The following LRRIQ1 variants were observed in gnomAD, a reference collection of about 807,000 sequenced individuals.
LRRIQ1 encodes leucine-rich repeat- and IQ domain-containing protein 1.
A neutral mutation model predicts 211.9 loss-of-function variants in LRRIQ1; 210 were observed. That is an observed-to-expected ratio of 0.99 (90% CI 0.89 to 1.11). The LOEUF is 1.11. LRRIQ1 is among the 50% of genes most tolerant of loss of function. The pLI, the probability that LRRIQ1 is intolerant of heterozygous loss-of-function variation, is 0.00. For missense variants in LRRIQ1, 2,136 were observed against 1,939.5 expected (o/e 1.10, Z -1.90); for synonymous variants, 699 against 650.1 (o/e 1.08, Z -1.14).
At chr12:85,069,821 T>C (rs1441722513) in intron 10 of LRRIQ1, among the ~76,000 whole-genome samples, 1 of 152,126 alleles carries the variant, frequency 6.6e-6, no homozygotes, top group Non-Finnish European at 1.5e-5. Context: ...TGGAGTTCAT[T>C]GTAGATTCTG....
chr12:85,267,558 G>A (rs1467862614), downstream of LRRIQ1, among the ~76,000 whole-genome samples: 1 of 151,952 alleles, frequency 6.6e-6, no homozygotes, highest in Non-Finnish European at 1.5e-5. Flanking sequence ...CAAAGTTATT[G>A]GATTCAAGAG....
chr12:85,193,536 G>T (rs1310289785), intron 24 of LRRIQ1, among the ~76,000 whole-genome samples: 2 of 142,638 alleles, frequency 1.4e-5, no homozygotes, highest in African/African-American at 2.6e-5. Flanking sequence ...TTAAAGAAAA[G>T]AATTTTCAAC....
At chr12:85,269,580 A>G in the LRRIQ1 span, among the ~76,000 whole-genome samples, 1 of 152,142 alleles carries the variant, frequency 6.6e-6, no homozygotes, top group East Asian at 1.9e-4. Context: ...CCAAGTATAG[A>G]CATTGGTAGA....
intron 18 of LRRIQ1, among the ~76,000 whole-genome samples, chr12:85,130,418 T>A (rs1024337958): frequency 7.9e-5 from 12 of 152,216 alleles, no homozygotes; most frequent in African/African-American, 2.4e-4. Flanking sequence ...TTTTTCAGCA[T>A]TGACAGTAAA....
At chr12:85,172,355 A>T (rs1211753605) in intron 24 of LRRIQ1, among the ~76,000 whole-genome samples, 1 of 152,194 alleles carries the variant, frequency 6.6e-6, no homozygotes, top group Non-Finnish European at 1.5e-5. Flanking sequence ...TGTCATCCTT[A>T]AGAATATTGC....
chr12:85,051,424 CTTTTAA>C (rs1028921476), intron 6 of LRRIQ1, among the ~76,000 whole-genome samples: 17 of 152,120 alleles, frequency 1.1e-4, no homozygotes, highest in African/African-American at 3.6e-4. Flanking sequence ...CCTTGGTTCT[CTTTTAA>C]TTTTATCTAA....
chr12:85,052,155 TTTA>T lies in LRRIQ1; in HGVS notation c.679-14_679-12del, dbSNP rs543691692. 3.2e-4 allele frequency: 407 copies of T among 1,253,650 alleles called. 2 individuals are homozygous for T. The South Asian group carries it at 5.3e-3, about 16-fold the overall frequency. The allele number at this position is 1,253,650 out of a possible 1,614,324, so 77.7% of individuals were successfully genotyped here. A position where few individuals can be genotyped will look rare whatever the true frequency, so the allele number is the denominator to read the frequency against. On this transcript the variant is annotated intron_variant, in intron 6 of 26. Coordinates refer to ENST00000393217, the MANE Select transcript of LRRIQ1 (RefSeq NM_001079910.2). Reference sequence around the variant, plus strand: ...TTTTTGATATTTGAGTATAGTCATATTTATTATTATCATATGTTCAGCAAGAAC... The same window carrying T: ...TTTTTGATATTTGAGTATAGTCATATTTATTATCATATGTTCAGCAAGAAC...
intron 24 of LRRIQ1, among the ~76,000 whole-genome samples, chr12:85,217,113 C>CT (rs893490764): frequency 5.3e-5 from 8 of 151,742 alleles, no homozygotes; most frequent in African/African-American, 1.7e-4. Flanking sequence ...GTATCAGAAA[C>CT]TTATCTATAT....
intron 25 of LRRIQ1, among the ~76,000 whole-genome samples, chr12:85,231,789 A>C (rs1377054704): frequency 6.6e-6 from 1 of 152,164 alleles, no homozygotes; most frequent in Non-Finnish European, 1.5e-5. Flanking sequence ...GCACCAAGGC[A>C]ATCATGAGAG....
intron 1 of LRRIQ1, 58 bp from the exon 2 acceptor site, chr12:85,038,095 C>T: frequency 1.7e-6 from 2 of 1,176,428 alleles, no homozygotes; most frequent in Non-Finnish European, 1.1e-6. Flanking sequence ...ATTGGTATGA[C>T]AAATTAGAGA....
chr12:85,070,545 C>T (rs1882974510), intron 10 of LRRIQ1, among the ~76,000 whole-genome samples: 1 of 151,946 alleles, frequency 6.6e-6, no homozygotes, highest in Non-Finnish European at 1.5e-5. Flanking sequence ...ACTCTAGTTA[C>T]TTTCAGTGGT....
intron 3 of LRRIQ1, among the ~76,000 whole-genome samples, chr12:85,043,549 C>G (rs1227881664): frequency 6.6e-6 from 1 of 152,072 alleles, no homozygotes; most frequent in African/African-American, 2.4e-5. Context: ...CTGCCACATC[C>G]TGATGGTCAC....
At chr12:85,094,344 T>G (rs1054074278) in intron 11 of LRRIQ1, among the ~76,000 whole-genome samples, 3 of 152,100 alleles carry the variant, frequency 2.0e-5, no homozygotes, top group African/African-American at 7.2e-5. Flanking sequence ...TATACTAAAA[T>G]GTAATAATAA....
At chr12:85,253,606 A>G (rs1352148697) in intron 1 of LRRIQ1, among the ~76,000 whole-genome samples, 1 of 152,028 alleles carries the variant, frequency 6.6e-6, no homozygotes, top group Non-Finnish European at 1.5e-5. Flanking sequence ...TGACATTTTC[A>G]TGTTACCAAG....
chr12:85,255,037 T>C (rs1441562493), intron 1 of LRRIQ1, among the ~76,000 whole-genome samples: 1 of 151,886 alleles, frequency 6.6e-6, no homozygotes, highest in Non-Finnish European at 1.5e-5. Context: ...TTCTAACTTA[T>C]GAATTGAAAG....
intron 1 of LRRIQ1, among the ~76,000 whole-genome samples, chr12:85,251,025 A>C (rs1181086362): frequency 7.8e-6 from 1 of 128,740 alleles, no homozygotes; most frequent in Non-Finnish European, 1.6e-5. Flanking sequence ...TTAAATTACT[A>C]TTTTCTGAAT....
At chr12:85,050,041 G>A (rs1880111355) in intron 6 of LRRIQ1, among the ~76,000 whole-genome samples, 1 of 152,068 alleles carries the variant, frequency 6.6e-6, no homozygotes, top group Non-Finnish European at 1.5e-5. Context: ...CTGACACTGG[G>A]TAATTTTTAA....
chr12:85,253,319 C>A (rs1896002576), intron 1 of LRRIQ1, among the ~76,000 whole-genome samples: 1 of 151,988 alleles, frequency 6.6e-6, no homozygotes, highest in African/African-American at 2.4e-5. Flanking sequence ...TAGTAAATTA[C>A]AGTTTGAGTA....
At chr12:85,134,437 G>T (rs986414618) in intron 18 of LRRIQ1, among the ~76,000 whole-genome samples, 1 of 151,996 alleles carries the variant, frequency 6.6e-6, no homozygotes, top group Non-Finnish European at 1.5e-5. Flanking sequence ...CTTTAAAATG[G>T]GAAGTCCATG....
Sources: gnomAD v4.1 joint callset for allele counts (sites outside exome capture counted in the v4.1 genomes callset) on GRCh38, gnomAD v4.1.1 for gene constraint, MANE v1.5 for transcripts, NCBI Gene and HGNC (gene_info 2026-07-23, HGNC 2026-07-21) for gene names.